VNN1: variants seen among roughly 807,000 people sequenced by gnomAD.
VNN1 encodes vanin 1.
Under a neutral mutation model 41.9 loss-of-function variants are expected in VNN1, and 29 were observed. The observed-to-expected ratio is 0.69, with a 90% confidence interval of 0.52 to 0.94. The LOEUF is 0.94. Ranked by LOEUF, VNN1 falls within the 40% of genes least tolerant of loss-of-function variation. The pLI, the probability that VNN1 is intolerant of heterozygous loss-of-function variation, is 0.00. For missense variants in VNN1, 637 were observed against 621.1 expected, an observed-to-expected ratio of 1.03 and a Z score of -0.27; for synonymous variants, 233 against 224.4, an observed-to-expected ratio of 1.04 and a Z score of -0.34.
rs572233672 is a variant in VNN1 at position 132,697,735 on chromosome 6, G to T, written c.342-3553C>A. Among the ~76,000 whole-genome samples, 5 of 151,600 alleles carry T rather than the reference G, an allele frequency of 3.3e-5. No individual in the cohort carries two copies. The South Asian group carries it at 1.0e-3, about 32-fold the overall frequency. ...GCAATCATCTATAAAACATATCCTTGAAAAAGATTGGAAAAGGATATAATA... is the reference window on the plus strand; with the variant it reads ...GCAATCATCTATAAAACATATCCTTTAAAAAGATTGGAAAAGGATATAATA... On this transcript the variant is annotated intron_variant, in intron 2 of 6. Coordinates refer to ENST00000367928, the MANE Select transcript of VNN1 (RefSeq NM_004666.3).
chr6:132,699,430 T>A (rs1376489405), intron 2 of VNN1: 1 of 161,786 alleles, frequency 6.2e-6, no homozygotes, highest in African/African-American at 2.4e-5. Flanking sequence ...AAAACAGAAG[T>A]GTATACAGTT....
At chr6:132,687,281 G>A (rs1477736198) in intron 5 of VNN1, among the ~76,000 whole-genome samples, 1 of 152,188 alleles carries the variant, frequency 6.6e-6, no homozygotes, top group African/African-American at 2.4e-5. Context: ...TCCATGCCCA[G>A]GGAAATACTT....
Position 132,692,359 on chromosome 6 carries a change from G to T in VNN1, c.1052C>A (p.Ala351Glu). 1 of 1,614,152 alleles carries T rather than the reference G, an allele frequency of 6.2e-7. No individual in the cohort carries two copies. Among genetic ancestry groups the T allele is most frequent in the Non-Finnish European group, 8.5e-7 (1 of 1,180,018 alleles). The change falls in exon 5 of 7, where the codon GCA (alanine) becomes GAA (glutamate). Residue 351 changes from alanine to glutamate, a missense_variant. Coordinates refer to ENST00000367928, the MANE Select transcript of VNN1 (RefSeq NM_004666.3). ...TTTCTGACAAACTGTATAATTTCCT[G>T]CAACTCCTGTGAGCTTCACAAAAGT... The part of the protein sequence containing the change: ...EFTFVKLTGV[A>E]GNYTVCQKDL...
Position 132,693,268 on chromosome 6 carries a change from A to G in VNN1, c.582T>C (p.Pro194=). Residue 194 remains proline (P), a synonymous_variant, in exon 4 of 7, where the codon CCT becomes CCC. Coordinates refer to ENST00000367928, the MANE Select transcript of VNN1 (RefSeq NM_004666.3). ...AGGTGGTATTGAAAGTCACAATCTC[A>G]GGCTCCTTGGGTACATTGAATTGAT... The part of the protein sequence containing the change: ...GENQFNVPKE[P]EIVTFNTTFG... 1 of 1,613,646 alleles carries G rather than the reference A, an allele frequency of 6.2e-7. No homozygotes were observed. The highest frequency in any genetic ancestry group is 2.2e-5 in the East Asian group (1 of 44,852).
rs757890557 is a variant in VNN1 at position 132,693,167 on chromosome 6, T to A, written c.683A>T (p.His228Leu). The A allele has an allele frequency of 1.2e-6, 2 of 1,614,094 alleles. No individual in the cohort carries two copies. The highest frequency in any genetic ancestry group is 1.7e-6 in the Non-Finnish European group (2 of 1,179,998). Reference protein sequence around the residue: ...DPAVTLVKDFHVDTIVFPTAW... With the variant: ...DPAVTLVKDFLVDTIVFPTAW... ...TGTTGGGAATACTATGGTGTCCACG[T>A]GGAAATCTTTCACCAAGGTAACAGC... The change falls in exon 4 of 7, where the codon CAC (histidine) becomes CTC (leucine). Residue 228 changes from histidine (H) to leucine (L), a missense_variant. Coordinates refer to ENST00000367928, the MANE Select transcript of VNN1 (RefSeq NM_004666.3).
intron 5 of VNN1, among the ~76,000 whole-genome samples, chr6:132,689,270 A>AACACAC (rs58998291): frequency 1.5e-3 from 220 of 151,518 alleles, no homozygotes; most frequent in African/African-American, 5.2e-3. Context: ...TTTGTTGAGA[A>AACACAC]ACACACACAC....
chr6:132,702,629 G>A (rs541675371), intron 2 of VNN1, among the ~76,000 whole-genome samples: 14 of 152,254 alleles, frequency 9.2e-5, no homozygotes, highest in African/African-American at 3.4e-4. Context: ...CCTTAAGAAA[G>A]GAGACAGGAG....
At position 132,694,121 on chromosome 6, in the gene VNN1, C is replaced by T. The variant is rs1345329089; in HGVS notation, c.403G>A (p.Val135Ile). 6.2e-7 allele frequency: 1 copy of T among 1,614,104 alleles called. No homozygotes were observed. Among genetic ancestry groups the T allele is most frequent in the Non-Finnish European group, 8.5e-7 (1 of 1,179,988 alleles). Residue 135 changes from valine (V) to isoleucine (I), a missense_variant, in exon 3 of 7, where the codon GTT becomes ATT. Transcript: ENST00000367928. ...TTCTTGTCCCCAATATTTGCCACAACATAGATAGAGTTGTTCTTGGCCAGG... is the reference window on the plus strand; with the variant it reads ...TTCTTGTCCCCAATATTTGCCACAATATAGATAGAGTTGTTCTTGGCCAGG... ...SCLAKNNSIY[V>I]VANIGDKKPC...
intron 2 of VNN1, among the ~76,000 whole-genome samples, chr6:132,696,325 G>A (rs1172890197): frequency 6.6e-6 from 1 of 152,158 alleles, no homozygotes; most frequent in East Asian, 1.9e-4. Flanking sequence ...ATTGAACAGA[G>A]CCTTAGGAAC....
At chr6:132,687,928 T>C (rs1462713517) in intron 5 of VNN1, among the ~76,000 whole-genome samples, 1 of 152,178 alleles carries the variant, frequency 6.6e-6, no homozygotes, top group Non-Finnish European at 1.5e-5. Flanking sequence ...GACATACTGA[T>C]ATAAACAAAA....
chr6:132,698,667 C>G (rs1053204812), intron 2 of VNN1: 2 of 152,814 alleles, frequency 1.3e-5, no homozygotes, highest in African/African-American at 4.8e-5. Flanking sequence ...AAGGCTTCCC[C>G]TCCCTGGGCC....
At chr6:132,692,729 A>T in intron 4 of VNN1, 145 bp from the exon 5 acceptor site, 1 of 1,220,730 alleles carries the variant, frequency 8.2e-7, no homozygotes, top group Non-Finnish European at 1.1e-6. Flanking sequence ...ATGCTGATAA[A>T]GACAGAGAAG....
At chr6:132,686,099 TAGTATA>T (rs3831750) in intron 5 of VNN1, among the ~76,000 whole-genome samples, 6,799 of 152,250 alleles carry the variant, frequency 0.045, 329 homozygotes, top group South Asian at 0.14. Context: ...AATAATTTTT[TAGTATA>T]AGTATGTCTT....
Position 132,688,105 on chromosome 6 carries a change from AT to A in VNN1, c.1189-3601del, listed in dbSNP as rs1407901721. On this transcript the variant is annotated intron_variant, in intron 5 of 6. Coordinates refer to ENST00000367928, the MANE Select transcript of VNN1 (RefSeq NM_004666.3). The stretch of plus-strand genomic sequence containing the variant: ...CATCACAGTTAGACTATGAAAAATT[AT>A]AAATATAATATTATACCAAAATTCC... 9.9e-5 allele frequency among the ~76,000 whole-genome samples: 15 copies of A among 152,244 alleles called. No individual in the cohort carries two copies. In the East Asian group the frequency reaches 1.4e-3, roughly 14 times the overall value.
At chr6:132,702,404 C>T (rs1164929038) in intron 2 of VNN1, among the ~76,000 whole-genome samples, 1 of 152,204 alleles carries the variant, frequency 6.6e-6, no homozygotes, top group Non-Finnish European at 1.5e-5. Context: ...CAAAACCAGT[C>T]CCTGGTGCCA....
In VNN1 at chr6:132,711,827, T is replaced by A; in HGVS notation, c.223A>T (p.Ile75Phe). ...TSAADQGAHI[I>F]VTPEDAIYGW... ...TAAATAGCATCTTCTGGAGTCACAA[T>A]AATATGCGCACCCTGTTAAAAATGC... The change falls in exon 2 of 7, where the codon ATT (isoleucine) becomes TTT (phenylalanine). Residue 75 changes from isoleucine to phenylalanine, a missense_variant. Physicochemically the swap from Ile to Phe is conservative, Grantham distance 21 (BLOSUM62 0). Coordinates refer to ENST00000367928, the MANE Select transcript of VNN1 (RefSeq NM_004666.3). 1 of 1,613,938 alleles carries A rather than the reference T, an allele frequency of 6.2e-7. No homozygotes were observed. Among genetic ancestry groups the A allele is most frequent in the Non-Finnish European group, 8.5e-7 (1 of 1,179,888 alleles).
At chr6:132,701,342 TA>T (rs1446974850) in intron 2 of VNN1, among the ~76,000 whole-genome samples, 63 of 152,340 alleles carry the variant, frequency 4.1e-4, no homozygotes, top group African/African-American at 1.5e-3. Context: ...AGGCAAGTAA[TA>T]TATAATTCAG....
chr6:132,692,201 T>G (rs749322140), intron 5 of VNN1, 22 bp downstream of exon 5: 10 of 1,521,576 alleles, frequency 6.6e-6, no homozygotes, highest in African/African-American at 2.8e-5. Flanking sequence ...ATCCAGTAAC[T>G]CTTCTGACAT....
chr6:132,711,771 G>A lies in VNN1; in HGVS notation c.279C>T (p.Tyr93=), dbSNP rs926827663. 1.9e-6 allele frequency: 3 copies of A among 1,613,880 alleles called. No homozygotes were observed. The highest frequency in any genetic ancestry group is 3.3e-5 in the Admixed American group (2 of 59,972). The change falls in exon 2 of 7, where the codon TAC becomes TAT. Residue 93 remains tyrosine (Y), a synonymous_variant. Transcript: ENST00000367928. ...YGWNFNRDSL[Y]PYLEDIPDPE... ...GGTCTGGGATGTCCTCCAAATATGGGTAGAGAGAGTCCCTGTTGAAGTTCC... is the reference window on the plus strand; with the variant it reads ...GGTCTGGGATGTCCTCCAAATATGGATAGAGAGAGTCCCTGTTGAAGTTCC...
Sources: allele counts gnomAD v4.1 joint callset (sites outside exome capture counted in the v4.1 genomes callset), GRCh38; gene constraint gnomAD v4.1.1; transcripts MANE v1.5; gene names NCBI Gene and HGNC (gene_info 2026-07-23, HGNC 2026-07-21).